Variants in KCNQ3 observed in about 807,000 individuals in gnomAD.
KCNQ3 encodes the protein potassium voltage-gated channel subfamily KQT member 3.
In KCNQ3, 30 loss-of-function variants were observed where a neutral mutation model predicts 92.5. That is an observed-to-expected ratio of 0.32 (90% CI 0.24 to 0.44). KCNQ3 has a LOEUF of 0.44. KCNQ3 is among the 20% of genes least tolerant of loss of function. The pLI, the probability that KCNQ3 is intolerant of heterozygous loss-of-function variation, is 1.00. For missense variants in KCNQ3, 913 were observed against 1,140.3 expected (o/e 0.80, Z 2.87); for synonymous variants, 450 against 468.8 (o/e 0.96, Z 0.52).
Position 132,455,811 on chromosome 8 carries a change from G to A in KCNQ3, c.386+24336C>T, listed in dbSNP as rs192588994. ...GGCTGGAGTATAGTGGCGTGATCTC[G>A]GATCACTGCAAGCTCCGCCTCCCGA... On this transcript the variant is annotated intron_variant, in intron 1 of 14. Coordinates refer to ENST00000388996, the MANE Select transcript of KCNQ3 (RefSeq NM_004519.4). Among the ~76,000 whole-genome samples, 942 of 152,134 alleles carry A rather than the reference G, an allele frequency of 6.2e-3. 7 individuals carry two copies. Among genetic ancestry groups the A allele is most frequent in the Non-Finnish European group, 0.011 (724 of 68,000 alleles).
At chr8:132,431,358 A>G (rs1268813051) in intron 1 of KCNQ3, among the ~76,000 whole-genome samples, 1 of 152,188 alleles carries the variant, frequency 6.6e-6, no homozygotes, top group Non-Finnish European at 1.5e-5. Flanking sequence ...TTTCAGTTCC[A>G]GGCTTGATTC....
chr8:132,143,476 A>G (rs1371218406), intron 9 of KCNQ3, among the ~76,000 whole-genome samples: 1 of 152,210 alleles, frequency 6.6e-6, no homozygotes, highest in Non-Finnish European at 1.5e-5. Context: ...CCTGCTCAGA[A>G]CATCTGAATG....
intron 1 of KCNQ3, among the ~76,000 whole-genome samples, chr8:132,291,558 C>A (rs1048571290): frequency 1.3e-5 from 2 of 152,188 alleles, no homozygotes; most frequent in Non-Finnish European, 2.9e-5. Context: ...CATGCAACCA[C>A]GCTTAGCTCA....
At chr8:132,382,599 T>G (rs1443927584) in intron 1 of KCNQ3, among the ~76,000 whole-genome samples, 3 of 152,120 alleles carry the variant, frequency 2.0e-5, no homozygotes, top group Non-Finnish European at 4.4e-5. Flanking sequence ...CTGTAAAATT[T>G]TACAGGATTT....
chr8:132,128,104 G>A lies in KCNQ3; in HGVS notation c.*1158C>T, dbSNP rs191864517. 2.6e-5 allele frequency: 4 copies of A among 152,258 alleles called. No individual in the cohort carries two copies. The East Asian group carries it at 5.8e-4, about 22-fold the overall frequency. The allele number at this position is 152,258 out of a possible 1,614,324, so 9.4% of individuals were successfully genotyped here. On this transcript the variant is annotated 3_prime_UTR_variant, in exon 15 of 15. Transcript: ENST00000388996. ...GCTGGATAAACTGGGTGCTTTCCACGCGACACAAAGTCATATATCTTGACA... is the reference window on the plus strand; with the variant it reads ...GCTGGATAAACTGGGTGCTTTCCACACGACACAAAGTCATATATCTTGACA...
chr8:132,352,131 G>A (rs9297849), intron 1 of KCNQ3, among the ~76,000 whole-genome samples: 36,391 of 151,986 alleles, frequency 0.24, 4,820 homozygotes, highest in East Asian at 0.42. Context: ...ACGTTTAGAC[G>A]AGGAAGCTCA....
chr8:132,448,647 C>T (rs914543535), intron 1 of KCNQ3, among the ~76,000 whole-genome samples: 20 of 152,100 alleles, frequency 1.3e-4, no homozygotes, highest in African/African-American at 4.8e-4. Flanking sequence ...AAAGCAATCT[C>T]TGGTCACAGC....
chr8:132,286,127 C>T lies in KCNQ3; in HGVS notation c.387-99946G>A, dbSNP rs895756033. On this transcript the variant is annotated intron_variant, in intron 1 of 14. Coordinates refer to ENST00000388996, the MANE Select transcript of KCNQ3 (RefSeq NM_004519.4). ...CATGGGTGGAGCCATAAAGAGCCTC[C>T]ACCAGTTATACCCAATGGAAATGTA... is the stretch of plus-strand genomic sequence containing the variant. Among the ~76,000 whole-genome samples, 73 of 152,202 alleles carry T rather than the reference C, an allele frequency of 4.8e-4. 1 individual carries two copies. Among genetic ancestry groups the T allele is most frequent in the African/African-American group, 1.7e-3 (72 of 41,450 alleles).
At chr8:132,305,879 G>GT (rs1817405205) in intron 1 of KCNQ3, among the ~76,000 whole-genome samples, 1 of 71,416 alleles carries the variant, frequency 1.4e-5, no homozygotes, top group Non-Finnish European at 2.5e-5. Context: ...GGGGTTTTTT[G>GT]TTTGTTTTTG....
At chr8:132,463,717 T>A (rs1257139292) in intron 1 of KCNQ3, among the ~76,000 whole-genome samples, 1 of 152,228 alleles carries the variant, frequency 6.6e-6, no homozygotes, top group African/African-American at 2.4e-5. Context: ...AAACGGCACA[T>A]CAGAACTCAC....
intron 1 of KCNQ3, among the ~76,000 whole-genome samples, chr8:132,225,033 T>C (rs1023905701): frequency 6.6e-6 from 1 of 152,162 alleles, no homozygotes. Flanking sequence ...CAATCATTTA[T>C]AGTAAAGAAT....
In KCNQ3 at chr8:132,352,053, T is replaced by G. The variant is rs547304921; in HGVS notation, c.386+128094A>C. Among the ~76,000 whole-genome samples the G allele has an allele frequency of 5.3e-5, 8 of 152,272 alleles. No individual in the cohort carries two copies. In the South Asian group the frequency reaches 1.7e-3, roughly 32 times the overall value. Reference sequence around the variant, plus strand: ...TGCCAAGCCATGGTTTGGGCTCGTTTTATGAATTAACTCAATTAATCCTAA... The same window carrying G: ...TGCCAAGCCATGGTTTGGGCTCGTTGTATGAATTAACTCAATTAATCCTAA... On this transcript the variant is annotated intron_variant, in intron 1 of 14. Coordinates refer to ENST00000388996, the MANE Select transcript of KCNQ3 (RefSeq NM_004519.4).
intron 9 of KCNQ3, 123 bp from the exon 10 acceptor site, chr8:132,141,454 T>C (rs1825293790): frequency 4.7e-6 from 4 of 855,054 alleles, no homozygotes; most frequent in Non-Finnish European, 7.6e-6. Context: ...CATTTCACAG[T>C]GCTGAATCTG....
intron 1 of KCNQ3, among the ~76,000 whole-genome samples, chr8:132,262,931 A>G (rs1815838898): frequency 1.3e-5 from 2 of 152,194 alleles, no homozygotes. Flanking sequence ...CAGTGAGTCT[A>G]TGAGTGGGTA....
intron 5 of KCNQ3, among the ~76,000 whole-genome samples, chr8:132,175,138 G>A (rs111229902): frequency 1.3e-5 from 2 of 152,338 alleles, no homozygotes; most frequent in African/African-American, 4.8e-5. Context: ...ATGTGTATCT[G>A]TCACTGGGTT....
intron 1 of KCNQ3, among the ~76,000 whole-genome samples, chr8:132,403,391 C>T (rs1820400568): frequency 6.6e-6 from 1 of 152,166 alleles, no homozygotes; most frequent in Admixed American, 6.5e-5. Context: ...GTGCACAGAC[C>T]TGCAGCCCAT....
intron 1 of KCNQ3, among the ~76,000 whole-genome samples, chr8:132,300,283 G>A (rs560129786): frequency 6.6e-6 from 1 of 152,306 alleles, no homozygotes; most frequent in East Asian, 1.9e-4. Context: ...CTTTGCTGCC[G>A]TTTCATGTGC....
intron 9 of KCNQ3, among the ~76,000 whole-genome samples, chr8:132,148,320 C>T (rs1167285589): frequency 1.3e-5 from 2 of 152,102 alleles, no homozygotes; most frequent in Non-Finnish European, 2.9e-5. Flanking sequence ...ACTGCAACCT[C>T]CGCCTCCTAG....
chr8:132,231,058 G>A (rs1814630460), intron 1 of KCNQ3, among the ~76,000 whole-genome samples: 1 of 152,170 alleles, frequency 6.6e-6, no homozygotes, highest in East Asian at 1.9e-4. Context: ...ATTATATGAA[G>A]ACACTCAGAG....
Sources: allele counts gnomAD v4.1 joint callset (sites outside exome capture counted in the v4.1 genomes callset), GRCh38; gene constraint gnomAD v4.1.1; transcripts MANE v1.5; gene names NCBI Gene and HGNC (gene_info 2026-07-23, HGNC 2026-07-21).